TRERF1: variants seen among roughly 807,000 people sequenced by gnomAD.
TRERF1 encodes transcriptional-regulating factor 1.
TRERF1 carries 27 observed loss-of-function variants against 122.9 expected under a neutral mutation model. The observed-to-expected ratio is 0.22, with a 90% confidence interval of 0.16 to 0.30. The LOEUF (loss-of-function observed/expected upper bound fraction) is 0.30, where lower values mean the gene tolerates loss of function less well. Among genes scored for constraint, TRERF1 ranks in the 10% least tolerant of loss-of-function variants. TRERF1 has a pLI of 1.00. For missense variants in TRERF1, 1,248 were observed against 1,560.3 expected (o/e 0.80, Z 3.37); for synonymous variants, 636 against 641.7 (o/e 0.99, Z 0.13).
chr6:42,378,968 A>C (rs1775405490), intron 2 of TRERF1, among the ~76,000 whole-genome samples: 1 of 152,108 alleles, frequency 6.6e-6, no homozygotes, highest in Non-Finnish European at 1.5e-5. Context: ...ATTTAAAAAA[A>C]AATAGGCAGG....
chr6:42,255,491 C>G (rs796959462), intron 12 of TRERF1, among the ~76,000 whole-genome samples: 2 of 152,352 alleles, frequency 1.3e-5, no homozygotes, highest in African/African-American at 2.4e-5. Flanking sequence ...TCTTGCTACT[C>G]TAAGTGTGGT....
intron 3 of TRERF1, among the ~76,000 whole-genome samples, chr6:42,317,146 C>A (rs1054343826): frequency 6.6e-6 from 1 of 152,014 alleles, no homozygotes; most frequent in Non-Finnish European, 1.5e-5. Flanking sequence ...CAAAATTATC[C>A]GTAGAACACC....
rs1303269068 is a variant in TRERF1 at position 42,366,731 on chromosome 6, G to T, written c.-453-3652C>A. On this transcript the variant is annotated intron_variant, in intron 2 of 17. Coordinates refer to ENST00000372922, the Ensembl canonical transcript of TRERF1. ...AGCAGGAAAAAGAATATTCTATTTT[G>T]GGAAATGAGGAGCTGGACTGATCCA... is the stretch of plus-strand genomic sequence containing the variant. Among the ~76,000 whole-genome samples, 6 of 152,182 alleles carry T rather than the reference G, an allele frequency of 3.9e-5. No individual in the cohort carries two copies. In the East Asian group the frequency reaches 7.7e-4, roughly 20 times the overall value.
At chr6:42,342,017 T>A (rs1309495185) in intron 3 of TRERF1, among the ~76,000 whole-genome samples, 2 of 152,224 alleles carry the variant, frequency 1.3e-5, no homozygotes, top group Admixed American at 6.5e-5. Context: ...TTTACTTAAT[T>A]AAACAAATTA....
intron 2 of TRERF1, among the ~76,000 whole-genome samples, chr6:42,383,905 T>C (rs976963534): frequency 3.3e-5 from 5 of 151,926 alleles, no homozygotes; most frequent in African/African-American, 1.2e-4. Flanking sequence ...AAAACTGAGA[T>C]ACCAATTTTC....
At chr6:42,424,397 C>T (rs1783298133) in intron 2 of TRERF1, among the ~76,000 whole-genome samples, 1 of 152,198 alleles carries the variant, frequency 6.6e-6, no homozygotes, top group Admixed American at 6.5e-5. Context: ...AAATTCTACA[C>T]TTGACCTCAG....
At position 42,243,218 on chromosome 6, in the gene TRERF1, C is replaced by A. The variant is rs368948335; in HGVS notation, c.2859+30G>T. 19 of 1,589,648 alleles carry A rather than the reference C, an allele frequency of 1.2e-5. No individual in the cohort carries two copies. In the Admixed American group the frequency reaches 1.7e-4, roughly 14 times the overall value. ...GGGCCTGGGGTGGGAGCTGTCCCAG[C>A]ACAAGCAACAACTTAGCAGCTTCAC... On this transcript the variant is annotated intron_variant, in intron 15 of 17. Transcript: ENST00000372922.
intron 2 of TRERF1, among the ~76,000 whole-genome samples, chr6:42,446,562 G>A (rs979453824): frequency 1.3e-5 from 2 of 152,160 alleles, no homozygotes; most frequent in African/African-American, 4.8e-5. Context: ...TAAGGGTAGG[G>A]GTATGGGTAG....
chr6:42,288,967 GTGTGT>G (rs1431906112), intron 4 of TRERF1, among the ~76,000 whole-genome samples: 2 of 151,176 alleles, frequency 1.3e-5, no homozygotes, highest in East Asian at 3.9e-4. Flanking sequence ...GTGTGTGTGT[GTGTGT>G]GTGTGTGTGT....
At chr6:42,361,246 T>C (rs908617454) in intron 3 of TRERF1, among the ~76,000 whole-genome samples, 2 of 152,180 alleles carry the variant, frequency 1.3e-5, no homozygotes, top group African/African-American at 4.8e-5. Context: ...AACCTGACCA[T>C]ACTGGCACCC....
chr6:42,411,232 A>G (rs1247429497), intron 2 of TRERF1, among the ~76,000 whole-genome samples: 1 of 152,156 alleles, frequency 6.6e-6, no homozygotes, highest in Non-Finnish European at 1.5e-5. Context: ...ATCAATAAAC[A>G]CTGTGCACTG....
intron 2 of TRERF1, among the ~76,000 whole-genome samples, chr6:42,405,498 A>T (rs1053912849): frequency 2.0e-5 from 3 of 152,194 alleles, no homozygotes; most frequent in Non-Finnish European, 2.9e-5. Flanking sequence ...TGCTGCTTCA[A>T]ACTGAAAATA....
chr6:42,293,602 C>T (rs1324637867), intron 4 of TRERF1, among the ~76,000 whole-genome samples: 1 of 152,178 alleles, frequency 6.6e-6, no homozygotes, highest in African/African-American at 2.4e-5. Context: ...CCACTCTTGG[C>T]CTCCTGGACC....
chr6:42,384,795 C>A (rs1158322547), intron 2 of TRERF1, among the ~76,000 whole-genome samples: 12 of 151,578 alleles, frequency 7.9e-5, no homozygotes, highest in Non-Finnish European at 7.4e-5. Context: ...TTTATTTGTT[C>A]ATTTTGTCTT....
At chr6:42,347,740 A>T (rs1768584309) in intron 3 of TRERF1, among the ~76,000 whole-genome samples, 1 of 152,218 alleles carries the variant, frequency 6.6e-6, no homozygotes, top group African/African-American at 2.4e-5. Context: ...GATCAAGGAG[A>T]TAAAACCCCC....
chr6:42,403,607 T>C (rs781550554), intron 2 of TRERF1, among the ~76,000 whole-genome samples: 10 of 152,138 alleles, frequency 6.6e-5, no homozygotes, highest in Non-Finnish European at 1.3e-4. Context: ...AGCAGACATT[T>C]CTGTTGCTTT....
Position 42,259,451 on chromosome 6 carries a change from C to T in TRERF1, c.2157G>A (p.Gln719=). ...GGACATTGCTGAAGAGCCCCGAGCC[C>T]TGGCGCACCGGGCTCAGCATGGGTG... is the stretch of plus-strand genomic sequence containing the variant. Residue 719 remains glutamine, a synonymous_variant, in exon 9 of 18, where the codon CAG becomes CAA. Transcript: ENST00000372922. The surrounding 1 kb of genome is among the most constrained non-coding windows in gnomAD (Gnocchi z 4.9). 1 of 1,603,036 alleles carries T rather than the reference C, an allele frequency of 6.2e-7. No homozygotes were observed.
Position 42,302,253 on chromosome 6 carries a change from T to A in TRERF1, c.-370-1504A>T, listed in dbSNP as rs556704740. Among the ~76,000 whole-genome samples the A allele has an allele frequency of 2.2e-4, 34 of 152,336 alleles. No individual in the cohort carries two copies. The East Asian group carries it at 4.8e-3, about 22-fold the overall frequency. ...TTAATGCTATAAAATGATTTTTTTT[T>A]AAATGAGAAATCCTTTGTCTGTGAC... On this transcript the variant is annotated intron_variant, in intron 3 of 17. Coordinates refer to ENST00000372922, the Ensembl canonical transcript of TRERF1.
At chr6:42,262,042 T>C (rs1187331421) in intron 8 of TRERF1, among the ~76,000 whole-genome samples, 1 of 151,370 alleles carries the variant, frequency 6.6e-6, no homozygotes, top group South Asian at 2.1e-4. Flanking sequence ...TAATTGAGAG[T>C]TCCCCAAGGG....
Sources: allele counts gnomAD v4.1 joint callset (sites outside exome capture counted in the v4.1 genomes callset), GRCh38; gene constraint gnomAD v4.1.1; non-coding constraint Gnocchi (gnomAD v3.1); transcripts MANE v1.5; gene names NCBI Gene and HGNC (gene_info 2026-07-23, HGNC 2026-07-21).